CUL7: variants seen among roughly 807,000 people sequenced by gnomAD.
CUL7 encodes cullin 7, also known as cullin-7.
A neutral mutation model predicts 177.7 loss-of-function variants in CUL7; 96 were observed. That is an observed-to-expected ratio of 0.54 (90% CI 0.46 to 0.64). CUL7 has a LOEUF of 0.64. Ranked by LOEUF, CUL7 falls within the 30% of genes least tolerant of loss-of-function variation. The probability of loss-of-function intolerance (pLI) is 0.00; values close to 1 mark genes in which losing one functional copy is unlikely to be tolerated. For synonymous variants in CUL7, 824 were observed against 890.2 expected, an observed-to-expected ratio of 0.93 and a Z score of 1.32; for missense variants, 1,893 against 2,187.9, an observed-to-expected ratio of 0.87 and a Z score of 2.69.
rs1763310217 is a variant in CUL7, at chr6:43,040,444, T to C, written c.4024-18A>G. ...AGGCCCACCTGAAGGAGCACAGGGT[T>C]CCCAGATGCCATGGCCTCCTCCAGT... On this transcript the variant is annotated intron_variant, in intron 21 of 25. Transcript: ENST00000265348. The surrounding 1 kb of genome is among the most constrained non-coding windows in gnomAD (Gnocchi z 4.2). 1 of 1,612,232 alleles carries C rather than the reference T, an allele frequency of 6.2e-7. No individual in the cohort carries two copies. The highest frequency in any genetic ancestry group is 8.5e-7 in the Non-Finnish European group (1 of 1,180,020).
chr6:43,042,049 AAGAAAG>A (rs1416943060), intron 19 of CUL7, among the ~76,000 whole-genome samples: 1 of 149,982 alleles, frequency 6.7e-6, no homozygotes, highest in Non-Finnish European at 1.5e-5. Context: ...GAGAGAAGGA[AAGAAAG>A]AGAAAGAGAG....
intron 16 of CUL7, among the ~76,000 whole-genome samples, chr6:43,044,151 C>T (rs1429348713): frequency 6.6e-6 from 1 of 151,878 alleles, no homozygotes; most frequent in African/African-American, 2.4e-5. Flanking sequence ...GGAGAAACCC[C>T]ATCTCTACTA....
intron 22 of CUL7, 99 bp from the exon 23 acceptor site, chr6:43,039,086 A>G: frequency 2.5e-6 from 2 of 806,982 alleles, no homozygotes; most frequent in Admixed American, 3.8e-5. Context: ...TATCTCTGCA[A>G]GGCGTGTGAC....
Position 43,040,271 on chromosome 6 carries a change from G to A in CUL7, c.4179C>T (p.Val1393=), listed in dbSNP as rs1232089879. 5.6e-6 allele frequency: 9 copies of A among 1,614,026 alleles called. No individual in the cohort carries two copies. Among genetic ancestry groups the A allele is most frequent in the Non-Finnish European group, 7.6e-6 (9 of 1,180,040 alleles). ...CAACAGGCCAGGAGTGTCGGGACAG[G>A]ACAAGCACAGACACTTCTGGCATTG... The part of the protein sequence containing the change: ...EGAMPEVSVL[V]LSRHSWPVAS... The change falls in exon 22 of 26, where the codon GTC becomes GTT. Residue 1393 remains valine, a synonymous_variant. Transcript: ENST00000265348. The surrounding 1 kb of genome is among the most constrained non-coding windows in gnomAD (Gnocchi z 4.2).
rs1230741216 is a variant in CUL7 at position 43,038,262 on chromosome 6, C to T, written c.4773+5G>A. The T allele has an allele frequency of 6.2e-7, 1 of 1,614,012 alleles. No individual in the cohort carries two copies. The highest frequency in any genetic ancestry group is 8.5e-7 in the Non-Finnish European group (1 of 1,180,010). ...CTGTCACCCATTGTGCCCACCCCTGCCTACCAGACAGACAAGCTGGTCAAT... is the reference window on the plus strand; with the variant it reads ...CTGTCACCCATTGTGCCCACCCCTGTCTACCAGACAGACAAGCTGGTCAAT... On this transcript the variant is annotated splice_donor_5th_base_variant and intron_variant, in intron 25 of 25. Transcript: ENST00000265348.
Position 43,052,082 on chromosome 6 carries a change from T to C in CUL7, c.580+127A>G, listed in dbSNP as rs763289488. 18 of 1,516,108 alleles carry C rather than the reference T, an allele frequency of 1.2e-5. No individual in the cohort carries two copies. In the African/African-American group the frequency reaches 2.2e-4, roughly 19 times the overall value. 93.9% of individuals were successfully genotyped at this position (1,516,108 alleles called of 1,614,324 possible). On this transcript the variant is annotated intron_variant, in intron 2 of 25. Transcript: ENST00000265348. This position sits in a 1 kb window ranked among gnomAD's most constrained non-coding sequence, Gnocchi z 4.5. ...TGCCCACCTCCTTTTCTTCCAACTCTAAGAGAAGGGCAACAGAATCATTTA... is the reference window on the plus strand; with the variant it reads ...TGCCCACCTCCTTTTCTTCCAACTCCAAGAGAAGGGCAACAGAATCATTTA...
rs1581973880 is a variant in CUL7, at chr6:43,053,588, G to A, written c.-9+34C>T. 1.5e-6 allele frequency: 2 copies of A among 1,310,404 alleles called. No individual in the cohort carries two copies. The highest frequency in any genetic ancestry group is 2.0e-6 in the Non-Finnish European group (2 of 1,018,852). 81.2% of individuals were successfully genotyped at this position (1,310,404 alleles called of 1,614,324 possible). On this transcript the variant is annotated intron_variant, in intron 1 of 25. Coordinates refer to ENST00000265348, the MANE Select transcript of CUL7 (RefSeq NM_014780.5). This position sits in a 1 kb window ranked among gnomAD's most constrained non-coding sequence, Gnocchi z 4.1. ...CTCGATGGGCTAGTGGGCAGGGAAG[G>A]AGAAGCAAGGGGCCGCGGTGGGGCT...
At position 43,037,967 on chromosome 6, in the gene CUL7, C is replaced by G. The variant is rs774204800; in HGVS notation, c.4818G>C (p.Leu1606Phe). Residue 1606 changes from leucine to phenylalanine, a missense_variant, in exon 26 of 26, where the codon TTG (leucine) becomes TTC (phenylalanine). By Grantham distance (22) the Leu-to-Phe change is conservative (BLOSUM62 0). Around this residue, in one of 5 missense-constraint regions of CUL7, gnomAD observed 248 missense variants for 262.5 expected, o/e 0.94. Transcript: ENST00000265348. ...CAGACCCCTTACCAAGGCTGCTGAC[C>G]AAACCCCTGGGAGGACACGGGCCCT... The part of the protein sequence containing the change: ...WQKGPCPPRG[L>F]VSSLGKGSAC... The G allele has an allele frequency of 4.4e-6, 7 of 1,596,340 alleles. No homozygotes were observed. Among genetic ancestry groups the G allele is most frequent in the Non-Finnish European group, 6.0e-6 (7 of 1,169,128 alleles).
chr6:43,038,726 C>T, intron 23 of CUL7, 34 bp from the exon 24 acceptor site: 18 of 1,613,744 alleles, frequency 1.1e-5, no homozygotes, highest in Non-Finnish European at 1.4e-5. Context: ...TTCAGGGCCT[C>T]CCCAAGGAGT....
Position 43,040,414 on chromosome 6 carries a change from C to T in CUL7, c.4036G>A (p.Ala1346Thr), listed in dbSNP as rs1379142248. 1.2e-6 allele frequency: 2 copies of T among 1,612,482 alleles called. No individual in the cohort carries two copies. The highest frequency in any genetic ancestry group is 1.7e-6 in the Non-Finnish European group (2 of 1,180,034). ...TEKKIQVGLG[A>T]SGKEHKSEKE... ...TCGCTCTTGTGCTCCTTGCCACTGGCCCCAAGGCCCACCTGAAGGAGCACA... is the reference window on the plus strand; with the variant it reads ...TCGCTCTTGTGCTCCTTGCCACTGGTCCCAAGGCCCACCTGAAGGAGCACA... Residue 1346 changes from alanine (A) to threonine (T), a missense_variant, in exon 22 of 26, where the codon GCC (alanine) becomes ACC (threonine). Physicochemically the swap from Ala to Thr is moderately conservative, Grantham distance 58. Transcript: ENST00000265348. The surrounding 1 kb of genome is among the most constrained non-coding windows in gnomAD (Gnocchi z 4.2).
intron 7 of CUL7, among the ~76,000 whole-genome samples, 178 bp downstream of exon 7, chr6:43,049,229 C>T (rs1396237015): frequency 1.3e-5 from 2 of 152,168 alleles, no homozygotes; most frequent in Non-Finnish European, 2.9e-5. Flanking sequence ...AACTTTACAT[C>T]CTCCTTCATT....
At position 43,045,774 on chromosome 6, in the gene CUL7, C is replaced by T; in HGVS notation, c.2767-92G>A. On this transcript the variant is annotated intron_variant, in intron 13 of 25. Transcript: ENST00000265348. The surrounding 1 kb of genome is among the most constrained non-coding windows in gnomAD (Gnocchi z 4.8). Reference sequence around the variant, plus strand: ...CCCCTCACTGTTTCCCTCCCTTCCCCAGCCCTGGGATGTGTAGGGTCCTGA... The same window carrying T: ...CCCCTCACTGTTTCCCTCCCTTCCCTAGCCCTGGGATGTGTAGGGTCCTGA... 1.4e-6 allele frequency: 2 copies of T among 1,427,290 alleles called. No homozygotes were observed. The highest frequency in any genetic ancestry group is 2.0e-6 in the Non-Finnish European group (2 of 1,017,350). The allele number at this position is 1,427,290 out of a possible 1,614,324, so 88.4% of individuals were successfully genotyped here.
At position 43,045,597 on chromosome 6, in the gene CUL7, C is replaced by T. The variant is rs750548145; in HGVS notation, c.2852G>A (p.Arg951His). Residue 951 changes from arginine to histidine, a missense_variant, in exon 14 of 26, where the codon CGC (arginine) becomes CAC (histidine). Around this residue, in one of 5 missense-constraint regions of CUL7, gnomAD observed 973 missense variants for 1,140.9 expected, o/e 0.85. Transcript: ENST00000265348. The surrounding 1 kb of genome is among the most constrained non-coding windows in gnomAD (Gnocchi z 4.8). ...FWPIIQIRIK[R>H]CQQGGIDTRI... ...CATCCCTGGCCCCACCTGCTGGCAG[C>T]GCTTTATGCGGATCTGGATGATGGG... The T allele has an allele frequency of 9.9e-6, 16 of 1,614,178 alleles. 1 individual carries two copies. Among genetic ancestry groups the T allele is most frequent in the Middle Eastern group, 3.3e-4 (2 of 6,042 alleles).
chr6:43,049,688 G>A, intron 6 of CUL7, 26 bp from the exon 7 acceptor site: 1 of 1,613,300 alleles, frequency 6.2e-7, no homozygotes, highest in South Asian at 1.1e-5. Flanking sequence ...AGCTCTCACT[G>A]CAGACAGCCC....
In CUL7 at chr6:43,046,095, G is replaced by A. The variant is rs2150323064; in HGVS notation, c.2661-4C>T. On this transcript the variant is annotated splice_region_variant and splice_polypyrimidine_tract_variant and intron_variant, in intron 12 of 25. Coordinates refer to ENST00000265348, the MANE Select transcript of CUL7 (RefSeq NM_014780.5). ...AGCCACAAGCAGAGTCAGTTGCCTG[G>A]GAGTGGGGAGGAAAAACCATTTGGA... The A allele has an allele frequency of 1.2e-6, 2 of 1,613,912 alleles. No individual in the cohort carries two copies. Among genetic ancestry groups the A allele is most frequent in the Middle Eastern group, 3.3e-4 (2 of 6,060 alleles).
Position 43,042,907 on chromosome 6 carries a change from C to A in CUL7, c.3540G>T (p.Gln1180His), listed in dbSNP as rs1172702351. ...PRYCEHFNIL[Q>H]NSSSELFGPR... ...GCCCAAACAGTTCAGAGCTTGAGTTCTGCAGAATATTAAAGTGCTCACAGT... is the reference window on the plus strand; with the variant it reads ...GCCCAAACAGTTCAGAGCTTGAGTTATGCAGAATATTAAAGTGCTCACAGT... Residue 1180 changes from glutamine (Q) to histidine (H), a missense_variant, in exon 19 of 26, where the codon CAG (glutamine) becomes CAT (histidine). Gln to His is a conservative substitution (Grantham distance 24, BLOSUM62 0). Coordinates refer to ENST00000265348, the MANE Select transcript of CUL7 (RefSeq NM_014780.5). The A allele has an allele frequency of 1.2e-6, 2 of 1,614,152 alleles. No homozygotes were observed. Among genetic ancestry groups the A allele is most frequent in the Non-Finnish European group, 1.7e-6 (2 of 1,180,024 alleles).
At position 43,052,785 on chromosome 6, in the gene CUL7, C is replaced by T. The variant is rs1332489102; in HGVS notation, c.4G>A (p.Val2Met). The change falls in exon 2 of 26, where the codon GTG (valine) becomes ATG (methionine). Residue 2 changes from valine to methionine, a missense_variant. Around this residue, in one of 5 missense-constraint regions of CUL7, gnomAD observed 653 missense variants for 725.2 expected, o/e 0.90. Coordinates refer to ENST00000265348, the MANE Select transcript of CUL7 (RefSeq NM_014780.5). The surrounding 1 kb of genome is among the most constrained non-coding windows in gnomAD (Gnocchi z 4.5). The part of the protein sequence containing the change: M[V>M]GELRYREFRV... ...AATTCCCTGTAGCGGAGTTCTCCCA[C>T]CATCCTGGCACCTGGAGCACACAAG... 1 of 1,603,844 alleles carries T rather than the reference C, an allele frequency of 6.2e-7. No individual in the cohort carries two copies. Among genetic ancestry groups the T allele is most frequent in the East Asian group, 2.2e-5 (1 of 44,874 alleles).
rs974893786 is a variant in CUL7, at chr6:43,045,486, G to T, written c.2863-84C>A. The T allele has an allele frequency of 1.2e-6, 2 of 1,613,386 alleles. No homozygotes were observed. The highest frequency in any genetic ancestry group is 1.7e-6 in the Non-Finnish European group (2 of 1,179,570). ...GCTACGCCCTCGAACCTCACCCCTGGAGCTGCTCGAGACCCAGGCTGGTCC... is the reference window on the plus strand; with the variant it reads ...GCTACGCCCTCGAACCTCACCCCTGTAGCTGCTCGAGACCCAGGCTGGTCC... On this transcript the variant is annotated intron_variant, in intron 14 of 25. Transcript: ENST00000265348. The surrounding 1 kb of genome is among the most constrained non-coding windows in gnomAD (Gnocchi z 4.8).
Position 43,045,911 on chromosome 6 carries a change from G to T in CUL7, c.2766+75C>A. On this transcript the variant is annotated intron_variant, in intron 13 of 25. Transcript: ENST00000265348. This position sits in a 1 kb window ranked among gnomAD's most constrained non-coding sequence, Gnocchi z 4.8. ...GACAGGTGGGAGTTAGAAAAAAGTA[G>T]GATAGGGCCAGATAGAAGCAGGAGG... 7.7e-7 allele frequency: 1 copy of T among 1,291,592 alleles called. No homozygotes were observed. Among genetic ancestry groups the T allele is most frequent in the Non-Finnish European group, 1.1e-6 (1 of 896,770 alleles). The allele number at this position is 1,291,592 out of a possible 1,614,324, so 80.0% of individuals were successfully genotyped here. A position where few individuals can be genotyped will look rare whatever the true frequency, so the allele number is the denominator to read the frequency against.
Sources: gnomAD v4.1 joint callset for allele counts (sites outside exome capture counted in the v4.1 genomes callset) on GRCh38, gnomAD v4.1.1 for gene constraint, gnomAD v4.1.1 regional missense constraint, Gnocchi (gnomAD v3.1) non-coding constraint, MANE v1.5 for transcripts, NCBI Gene and HGNC (gene_info 2026-07-23, HGNC 2026-07-21) for gene names.